Variants in DRICH1 observed in about 807,000 individuals in gnomAD.
DRICH1 encodes the protein aspartate-rich protein 1.
In DRICH1, 38 loss-of-function variants were observed where a neutral mutation model predicts 39.5. The observed-to-expected ratio is 0.96, with a 90% CI of 0.74 to 1.26. DRICH1 has a LOEUF of 1.26. Among genes scored for constraint, DRICH1 ranks in the 50% most tolerant of loss-of-function variants. DRICH1 has a pLI of 0.00. For synonymous variants in DRICH1, 84 were observed against 99.5 expected, an observed-to-expected ratio of 0.84 and a Z score of 0.93; for missense variants, 279 against 270.4, an observed-to-expected ratio of 1.03 and a Z score of -0.22.
At chr22:23,582,857 G>A in the DRICH1 span, among the ~76,000 whole-genome samples, 59 of 138,114 alleles carry the variant, frequency 4.3e-4, no homozygotes, top group African/African-American at 1.4e-3. Flanking sequence ...CATCGTGCCC[G>A]GCCAATTATC....
Position 23,618,417 on chromosome 22 carries a change from C to A in DRICH1, c.437-760G>T, listed in dbSNP as rs113782753. Reference sequence around the variant, plus strand: ...GGGTGAGCCACCGCACCCAGCTGATCACAATTTTTTTTTTCATAGAGATCA... The same window carrying A: ...GGGTGAGCCACCGCACCCAGCTGATAACAATTTTTTTTTTCATAGAGATCA... On this transcript the variant is annotated intron_variant, in intron 6 of 11. Transcript: ENST00000317749. Among the ~76,000 whole-genome samples, 196 of 151,430 alleles carry A rather than the reference C, an allele frequency of 1.3e-3. 1 individual carries two copies. Among genetic ancestry groups the A allele is most frequent in the African/African-American group, 4.5e-3 (185 of 41,044 alleles).
chr22:23,607,608 G>A (rs1276326144), downstream of DRICH1, among the ~76,000 whole-genome samples: 2 of 152,034 alleles, frequency 1.3e-5, no homozygotes, highest in Admixed American at 6.5e-5. Context: ...AGAGGCCCGG[G>A]TATTTCTCCA....
the DRICH1 span, among the ~76,000 whole-genome samples, chr22:23,591,257 T>G: frequency 6.6e-6 from 1 of 151,996 alleles, no homozygotes; most frequent in Non-Finnish European, 1.5e-5. Context: ...GGGGTCCTCC[T>G]CCCCCAGTTC....
At chr22:23,588,447 A>C in the DRICH1 span, among the ~76,000 whole-genome samples, 1 of 152,138 alleles carries the variant, frequency 6.6e-6, no homozygotes, top group Admixed American at 6.5e-5. Flanking sequence ...TTTCTATAAC[A>C]AGTTGGGAAG....
chr22:23,595,502 T>C, the DRICH1 span, among the ~76,000 whole-genome samples: 1 of 152,172 alleles, frequency 6.6e-6, no homozygotes, highest in Non-Finnish European at 1.5e-5. Flanking sequence ...AGCTGCTGAC[T>C]TGAGGTCTAA....
Position 23,629,527 on chromosome 22 carries a change from C to T in DRICH1, c.208+2289G>A, listed in dbSNP as rs140307130. On this transcript the variant is annotated intron_variant, in intron 1 of 11. Coordinates refer to ENST00000317749, the MANE Select transcript of DRICH1 (RefSeq NM_016449.4). ...GCAAGAGGTCTCCAATGAGGGTGAT[C>T]GGCACCAGGCTAATAATAATATTGT... 2.2e-3 allele frequency among the ~76,000 whole-genome samples: 339 copies of T among 152,244 alleles called. 1 individual carries two copies. The highest frequency in any genetic ancestry group is 7.8e-3 in the African/African-American group (325 of 41,550).
chr22:23,628,053 T>TA (rs1364066370), intron 1 of DRICH1, among the ~76,000 whole-genome samples: 13 of 152,114 alleles, frequency 8.5e-5, no homozygotes, highest in Admixed American at 7.2e-4. Context: ...ACAACACAGA[T>TA]AGAGTTTGAC....
At chr22:23,597,076 T>C in the DRICH1 span, among the ~76,000 whole-genome samples, 4 of 147,678 alleles carry the variant, frequency 2.7e-5, no homozygotes, top group Non-Finnish European at 6.0e-5. Context: ...AGTAACTTAT[T>C]TATCAATATA....
Position 23,624,500 on chromosome 22 carries a change from A to G in DRICH1, c.298+383T>C, listed in dbSNP as rs146243240. ...CAGCCTCCCAAGCAGCAGGTATAAC[A>G]TGAAGGTTCTTGTAAATGCTGTTTT... On this transcript the variant is annotated intron_variant, in intron 3 of 11. Coordinates refer to ENST00000317749, the MANE Select transcript of DRICH1 (RefSeq NM_016449.4). Among the ~76,000 whole-genome samples the G allele has an allele frequency of 1.8e-4, 28 of 152,258 alleles. No individual in the cohort carries two copies. In the East Asian group the frequency reaches 5.0e-3, roughly 27 times the overall value.
At chr22:23,625,845 G>C (rs1928027665) in intron 2 of DRICH1, 136 bp downstream of exon 2, 1 of 699,676 alleles carries the variant, frequency 1.4e-6, no homozygotes, top group Non-Finnish European at 2.5e-6. Flanking sequence ...CCCAGATCTT[G>C]CAAGACCATC....
chr22:23,596,672 T>C, the DRICH1 span, among the ~76,000 whole-genome samples: 1 of 152,244 alleles, frequency 6.6e-6, no homozygotes, highest in Admixed American at 6.5e-5. Flanking sequence ...TTTTTATATA[T>C]TCCTGAATTC....
At chr22:23,611,699 GAACA>G (rs1927045320) in intron 11 of DRICH1, among the ~76,000 whole-genome samples, 1 of 152,124 alleles carries the variant, frequency 6.6e-6, no homozygotes, top group Non-Finnish European at 1.5e-5. Flanking sequence ...GTCAATGACA[GAACA>G]CATGTATGAC....
At chr22:23,582,557 T>TATTATTA in the DRICH1 span, among the ~76,000 whole-genome samples, 13 of 130,820 alleles carry the variant, frequency 9.9e-5, no homozygotes, top group Middle Eastern at 3.5e-3. Flanking sequence ...TTCAGGGGCT[T>TATTATTA]ATTATTATTA....
the DRICH1 span, among the ~76,000 whole-genome samples, chr22:23,591,578 G>A: frequency 6.6e-6 from 1 of 152,074 alleles, no homozygotes; most frequent in Admixed American, 6.5e-5. Flanking sequence ...CAAAATTTCT[G>A]CTGACCTCAT....
At chr22:23,627,604 CAAT>C (rs983986582) in intron 1 of DRICH1, among the ~76,000 whole-genome samples, 7 of 152,174 alleles carry the variant, frequency 4.6e-5, no homozygotes, top group Admixed American at 1.3e-4. Flanking sequence ...GATATGACAA[CAAT>C]GAGAACAACA....
chr22:23,632,437 C>A (rs898010410), upstream of DRICH1: 10 of 251,606 alleles, frequency 4.0e-5, no homozygotes, highest in East Asian at 2.1e-4. Flanking sequence ...CACAGCCCCC[C>A]CCAATGCCTC....
the DRICH1 span, among the ~76,000 whole-genome samples, chr22:23,596,115 C>T: frequency 1.5e-4 from 23 of 152,176 alleles, no homozygotes; most frequent in Admixed American, 1.4e-3. Flanking sequence ...CAGAGTCTTC[C>T]ACAGTGGGTT....
At chr22:23,610,967 A>G (rs892542481) in intron 11 of DRICH1, among the ~76,000 whole-genome samples, 2 of 150,178 alleles carry the variant, frequency 1.3e-5, no homozygotes, top group African/African-American at 4.9e-5. Flanking sequence ...ATTCCATCAC[A>G]TGCTCTATGG....
At chr22:23,595,506 G>A in the DRICH1 span, among the ~76,000 whole-genome samples, 5 of 152,238 alleles carry the variant, frequency 3.3e-5, no homozygotes, top group Admixed American at 1.3e-4. Flanking sequence ...GCTGACTTGA[G>A]GTCTAAGTGA....
Sources: gnomAD v4.1 joint callset for allele counts (sites outside exome capture counted in the v4.1 genomes callset) on GRCh38, gnomAD v4.1.1 for gene constraint, MANE v1.5 for transcripts, NCBI Gene and HGNC (gene_info 2026-07-23, HGNC 2026-07-21) for gene names.